The following CHD6 variants were observed in gnomAD, a reference collection of about 807,000 sequenced individuals.
CHD6 encodes the protein ATP-dependent chromatin remodeler CHD6.
A neutral mutation model predicts 276.9 loss-of-function variants in CHD6; 50 were observed. The ratio of observed to expected loss-of-function variants is 0.18; its 90% CI spans 0.14 to 0.23. The LOEUF is 0.23. Among genes scored for constraint, CHD6 ranks in the 10% least tolerant of loss-of-function variants. The pLI, the probability that CHD6 is intolerant of heterozygous loss-of-function variation, is 1.00. For synonymous variants in CHD6, 1,173 were observed against 1,229.3 expected (o/e 0.95, Z 0.96); for missense variants, 2,564 against 3,365.8 (o/e 0.76, Z 5.89).
At position 41,473,044 on chromosome 20, in the gene CHD6, C is replaced by CTGA. The variant is rs1395902399; in HGVS notation, c.2664+275_2664+277dup. On this transcript the variant is annotated intron_variant, in intron 17 of 36. Coordinates refer to ENST00000373233, the MANE Select transcript of CHD6 (RefSeq NM_032221.5). This position sits in a 1 kb window ranked among gnomAD's most constrained non-coding sequence, Gnocchi z 4.1. The stretch of plus-strand genomic sequence containing the variant: ...TTAGTCAAGATTAGTATCTTTATTT[C>CTGA]TGATAATAATAATAATTAGTAGTTC... The CTGA allele has an allele frequency of 3.0e-6, 1 of 334,216 alleles. No homozygotes were observed. Among genetic ancestry groups the CTGA allele is most frequent in the East Asian group, 4.9e-5 (1 of 20,598 alleles). The allele number at this position is 334,216 out of a possible 1,614,324, so 20.7% of individuals were successfully genotyped here.
chr20:41,502,718 A>G (rs1005807202), intron 5 of CHD6, among the ~76,000 whole-genome samples: 1 of 152,224 alleles, frequency 6.6e-6, no homozygotes, highest in Non-Finnish European at 1.5e-5. Flanking sequence ...TTAAATAACC[A>G]TATGTGGCTG....
intron 36 of CHD6, among the ~76,000 whole-genome samples, chr20:41,411,895 G>A (rs2046850210): frequency 6.6e-6 from 1 of 152,162 alleles, no homozygotes; most frequent in South Asian, 2.1e-4. Flanking sequence ...CCAAGTTTTG[G>A]CAATGGTTTA....
intron 36 of CHD6, 115 bp downstream of exon 36, chr20:41,412,029 G>A: frequency 6.9e-7 from 1 of 1,455,928 alleles, no homozygotes; most frequent in South Asian, 1.4e-5. Flanking sequence ...TAGTCCTCTT[G>A]AAAGATGTCT....
At chr20:41,487,513 C>G (rs2043445320) in intron 14 of CHD6, 152 bp downstream of exon 14, 1 of 757,384 alleles carries the variant, frequency 1.3e-6, no homozygotes. Context: ...CGTACCCGCC[C>G]CAACATACAC....
At chr20:41,563,577 T>C (rs558876427) in intron 1 of CHD6, among the ~76,000 whole-genome samples, 4 of 152,292 alleles carry the variant, frequency 2.6e-5, no homozygotes, top group African/African-American at 7.2e-5. Context: ...CAACTCCAGT[T>C]CATCTTCCTT....
intron 1 of CHD6, among the ~76,000 whole-genome samples, chr20:41,593,468 C>T (rs193066344): frequency 1.8e-4 from 28 of 152,276 alleles, no homozygotes; most frequent in Admixed American, 1.8e-3. Flanking sequence ...AGCCCAGCAC[C>T]CACAGGGGTC....
intron 1 of CHD6, chr20:41,564,053 C>T (rs201593747): frequency 1.5e-5 from 12 of 779,384 alleles, no homozygotes; most frequent in Middle Eastern, 4.5e-4. Context: ...TGAACACAAG[C>T]GTTGTGGGAT....
At position 41,425,263 on chromosome 20, in the gene CHD6, G is replaced by A; in HGVS notation, c.4261C>T (p.Pro1421Ser). 1 of 1,614,106 alleles carries A rather than the reference G, an allele frequency of 6.2e-7. No homozygotes were observed. The highest frequency in any genetic ancestry group is 8.5e-7 in the Non-Finnish European group (1 of 1,180,018). The change falls in exon 29 of 37, where the codon CCA becomes TCA. Residue 1421 changes from proline (P) to serine (S), a missense_variant. Coordinates refer to ENST00000373233, the MANE Select transcript of CHD6 (RefSeq NM_032221.5). ...KELCRPEILG[P>S]GNQGYWVQEE... Reference sequence around the variant, plus strand: ...TGAACCCAATATCCTTGGTTACCTGGTCCCAGAATTTCAGGCCGGCACAGT... The same window carrying A: ...TGAACCCAATATCCTTGGTTACCTGATCCCAGAATTTCAGGCCGGCACAGT...
intron 10 of CHD6, among the ~76,000 whole-genome samples, chr20:41,493,300 A>G (rs1271611229): frequency 6.6e-6 from 1 of 152,218 alleles, no homozygotes; most frequent in Admixed American, 6.5e-5. Context: ...ATCTAAGCCA[A>G]TATCAAAGCT....
At chr20:41,468,605 T>A (rs191409789) in intron 17 of CHD6, among the ~76,000 whole-genome samples, 57 of 152,376 alleles carry the variant, frequency 3.7e-4, no homozygotes, top group African/African-American at 1.3e-3. Flanking sequence ...AGTCACTGAA[T>A]AAATGACTAC....
intron 27 of CHD6, among the ~76,000 whole-genome samples, chr20:41,431,195 G>C (rs2047527082): frequency 6.6e-6 from 1 of 152,148 alleles, no homozygotes; most frequent in African/African-American, 2.4e-5. Flanking sequence ...GGGGTCTGAG[G>C]CTTCATGCTG....
intron 36 of CHD6, among the ~76,000 whole-genome samples, chr20:41,409,159 C>T (rs757554648): frequency 6.6e-6 from 1 of 152,208 alleles, no homozygotes; most frequent in Non-Finnish European, 1.5e-5. Context: ...AGAGCAAGAG[C>T]GCTGGCAAAG....
intron 13 of CHD6, 100 bp downstream of exon 13, chr20:41,488,328 G>T: frequency 1.8e-6 from 2 of 1,091,936 alleles, no homozygotes; most frequent in South Asian, 1.6e-5. Flanking sequence ...AATGTAAAAC[G>T]ACTAGGCAGA....
chr20:41,553,551 G>GT (rs571036431), intron 1 of CHD6, among the ~76,000 whole-genome samples: 110 of 152,320 alleles, frequency 7.2e-4, no homozygotes, highest in East Asian at 7.1e-3. Flanking sequence ...TAGGCTATTA[G>GT]CAAATCGGGT....
At chr20:41,428,528 A>C (rs759647954) in intron 27 of CHD6, among the ~76,000 whole-genome samples, 16 of 152,188 alleles carry the variant, frequency 1.1e-4, no homozygotes, top group Non-Finnish European at 2.4e-4. Flanking sequence ...CAGCAAACTG[A>C]TTGGTTACAA....
In CHD6 at chr20:41,405,464, T is replaced by C. The variant is rs377547079; in HGVS notation, c.7277A>G (p.Asn2426Ser). The C allele has an allele frequency of 1.1e-4, 176 of 1,556,174 alleles. No individual in the cohort carries two copies. The highest frequency in any genetic ancestry group is 2.0e-4 in the South Asian group (17 of 82,966). Residue 2426 changes from asparagine to serine, a missense_variant, in exon 37 of 37, where the codon AAT becomes AGT. Coordinates refer to ENST00000373233, the MANE Select transcript of CHD6 (RefSeq NM_032221.5). ...AAGAATAGGCTCAGCCAGAGTGTGATTGAACTTGTTTTCTGGAAGAAACCC... is the reference window on the plus strand; with the variant it reads ...AAGAATAGGCTCAGCCAGAGTGTGACTGAACTTGTTTTCTGGAAGAAACCC... ...LRGFLPENKFNHTLAEPILRD... is the reference protein window; with the variant it reads ...LRGFLPENKFSHTLAEPILRD...
chr20:41,541,594 C>T lies in CHD6; in HGVS notation c.34-8024G>A, dbSNP rs1022587087. Among the ~76,000 whole-genome samples, 24 of 152,250 alleles carry T rather than the reference C, an allele frequency of 1.6e-4. No individual in the cohort carries two copies. The East Asian group carries it at 4.2e-3, about 27-fold the overall frequency. On this transcript the variant is annotated intron_variant, in intron 2 of 36. Transcript: ENST00000373233. The stretch of plus-strand genomic sequence containing the variant: ...TCAGGATCACCAGAGGAAGAAGAAC[C>T]TACAGAGTGAGAAGAAACAGTGAGA...
chr20:41,523,510 T>C (rs914474335), intron 3 of CHD6, among the ~76,000 whole-genome samples: 4 of 152,232 alleles, frequency 2.6e-5, no homozygotes. Context: ...CAATCAGTTA[T>C]ATCATACATG....
chr20:41,533,797 T>A (rs1402316099), intron 2 of CHD6, among the ~76,000 whole-genome samples: 1 of 152,136 alleles, frequency 6.6e-6, no homozygotes, highest in Non-Finnish European at 1.5e-5. Flanking sequence ...TAAATCAGGA[T>A]CATTCAAAGG....
Sources: gnomAD v4.1 joint callset for allele counts (sites outside exome capture counted in the v4.1 genomes callset) on GRCh38, gnomAD v4.1.1 for gene constraint, Gnocchi (gnomAD v3.1) non-coding constraint, MANE v1.5 for transcripts, NCBI Gene and HGNC (gene_info 2026-07-23, HGNC 2026-07-21) for gene names.